DNAH6: variants seen among roughly 807,000 people sequenced by gnomAD.
DNAH6 encodes axonemal beta dynein heavy chain 6.
DNAH6 carries 340 observed loss-of-function variants against 491.4 expected under a neutral mutation model. That is an observed-to-expected ratio of 0.69 (90% CI 0.63 to 0.76). DNAH6 has a LOEUF of 0.76. DNAH6 is among the 30% of genes least tolerant of loss of function. DNAH6 has a pLI of 0.00. For missense variants in DNAH6, 4,443 were observed against 4,972.2 expected (o/e 0.89, Z 3.20); for synonymous variants, 1,603 against 1,686.1 (o/e 0.95, Z 1.21).
Position 84,735,314 on chromosome 2 carries a change from T to G in DNAH6, c.10342+1735T>G, listed in dbSNP as rs148942006. Among the ~76,000 whole-genome samples the G allele has an allele frequency of 2.5e-4, 38 of 152,350 alleles. 1 individual carries two copies. In the East Asian group the frequency reaches 6.4e-3, roughly 25 times the overall value. On this transcript the variant is annotated intron_variant, in intron 62 of 76. Coordinates refer to ENST00000389394, the MANE Select transcript of DNAH6 (RefSeq NM_001370.2). ...AGTTCACTGTTGATGGGCACCTAGG[T>G]TGATTCCATGTATTTGCTGTTGTGA...
chr2:84,553,103 C>T, intron 10 of DNAH6, 69 bp downstream of exon 10: 1 of 888,756 alleles, frequency 1.1e-6, no homozygotes, highest in Non-Finnish European at 1.8e-6. Flanking sequence ...GTTTTGCTGT[C>T]AATTGGTTGT....
chr2:84,503,067 C>G, the DNAH6 span, among the ~76,000 whole-genome samples: 2 of 151,894 alleles, frequency 1.3e-5, no homozygotes, highest in African/African-American at 4.8e-5. Flanking sequence ...GTGGTCTTCC[C>G]TTCCTTCTTT....
intron 52 of DNAH6, 26 bp downstream of exon 52, chr2:84,705,773 T>C (rs1696370090): frequency 1.3e-6 from 2 of 1,529,494 alleles, no homozygotes; most frequent in African/African-American, 1.4e-5. Flanking sequence ...TGTGATATTT[T>C]ATAGAATTGA....
intron 72 of DNAH6, among the ~76,000 whole-genome samples, 154 bp downstream of exon 72, chr2:84,808,696 T>G (rs1679677063): frequency 6.6e-6 from 1 of 152,230 alleles, no homozygotes; most frequent in Non-Finnish European, 1.5e-5. Context: ...GAATTTATCC[T>G]TCTCTAATGA....
chr2:84,771,771 T>A (rs967069317), intron 64 of DNAH6, among the ~76,000 whole-genome samples: 1 of 151,912 alleles, frequency 6.6e-6, no homozygotes, highest in Admixed American at 6.5e-5. Context: ...TATTCCCAGA[T>A]AAACAAAAAC....
At chr2:84,625,506 C>T (rs1687775874) in intron 29 of DNAH6, among the ~76,000 whole-genome samples, 1 of 151,858 alleles carries the variant, frequency 6.6e-6, no homozygotes, top group African/African-American at 2.4e-5. Flanking sequence ...GTCATGGGAC[C>T]CCTTTACACT....
chr2:84,700,885 G>T (rs924012470), intron 48 of DNAH6, among the ~76,000 whole-genome samples: 2 of 152,152 alleles, frequency 1.3e-5, no homozygotes, highest in African/African-American at 4.8e-5. Context: ...TGATACTGTG[G>T]AGACATACTG....
chr2:84,580,207 C>T (rs768001339), intron 14 of DNAH6, among the ~76,000 whole-genome samples: 4 of 152,042 alleles, frequency 2.6e-5, no homozygotes, highest in East Asian at 1.9e-4. Context: ...AACACAAACC[C>T]GCTTAAGTGG....
chr2:84,576,681 A>G (rs1332446738), intron 12 of DNAH6, among the ~76,000 whole-genome samples: 2 of 152,174 alleles, frequency 1.3e-5, no homozygotes, highest in African/African-American at 2.4e-5. Context: ...CATTGGTTCC[A>G]GATGGATTGG....
At chr2:84,465,346 T>A in the DNAH6 span, among the ~76,000 whole-genome samples, 4 of 152,016 alleles carry the variant, frequency 2.6e-5, no homozygotes, top group Admixed American at 6.5e-5. Context: ...ATACAAAAAA[T>A]TAGCCGGGTG....
chr2:84,605,361 A>G (rs893922179), intron 19 of DNAH6, 139 bp from the exon 20 acceptor site: 4 of 621,566 alleles, frequency 6.4e-6, no homozygotes, highest in Non-Finnish European at 1.1e-5. Flanking sequence ...TCAAAAAAAA[A>G]AAAAAAAAAG....
chr2:84,667,758 T>C (rs563829175), intron 37 of DNAH6, among the ~76,000 whole-genome samples: 2 of 152,336 alleles, frequency 1.3e-5, no homozygotes, highest in Non-Finnish European at 2.9e-5. Context: ...CCAAAGATTA[T>C]AAACTCTACT....
At chr2:84,581,053 G>A (rs568463859) in intron 14 of DNAH6, among the ~76,000 whole-genome samples, 11 of 152,292 alleles carry the variant, frequency 7.2e-5, no homozygotes, top group African/African-American at 2.6e-4. Context: ...TGCAAGTCTA[G>A]CCAGTCAGCA....
At chr2:84,506,572 C>T in the DNAH6 span, among the ~76,000 whole-genome samples, 1 of 152,090 alleles carries the variant, frequency 6.6e-6, no homozygotes, top group South Asian at 2.1e-4. Context: ...CTTTAGTTTA[C>T]TTAGATCTCA....
Position 84,685,445 on chromosome 2 carries a change from T to A in DNAH6, c.7036T>A (p.Phe2346Ile). The A allele has an allele frequency of 1.3e-6, 2 of 1,491,102 alleles. No individual in the cohort carries two copies. Among genetic ancestry groups the A allele is most frequent in the Non-Finnish European group, 1.8e-6 (2 of 1,113,486 alleles). 92.4% of individuals were successfully genotyped at this position (1,491,102 alleles called of 1,614,324 possible). A position where few individuals can be genotyped will look rare whatever the true frequency, so the allele number is the denominator to read the frequency against. Residue 2346 changes from phenylalanine (F) to isoleucine (I), a missense_variant, in exon 43 of 77, where the codon TTC (phenylalanine) becomes ATC (isoleucine). By Grantham distance (21) the Phe-to-Ile change is conservative. Transcript: ENST00000389394. ...GATTAATAATGAAGATAAGCACTAT[T>A]TCCATGTTATTCTGACAGAAATGGC... ...RLINNEDKHY[F>I]HVILTEMANK... is the part of the protein sequence containing the mutation.
intron 63 of DNAH6, among the ~76,000 whole-genome samples, chr2:84,753,038 C>T (rs1287606440): frequency 6.6e-6 from 1 of 152,154 alleles, no homozygotes; most frequent in African/African-American, 2.4e-5. Flanking sequence ...ATGAGGGTTC[C>T]AATTTCTCCA....
At chr2:84,573,646 T>C (rs1368722175) in intron 12 of DNAH6, 59 bp downstream of exon 12, 2 of 1,440,130 alleles carry the variant, frequency 1.4e-6, no homozygotes, top group Non-Finnish European at 1.8e-6. Context: ...ATTTGTTGTT[T>C]TTTAGGATTC....
intron 20 of DNAH6, 110 bp downstream of exon 20, chr2:84,605,702 A>G (rs1685692561): frequency 1.5e-6 from 1 of 648,328 alleles, no homozygotes; most frequent in African/African-American, 1.9e-5. Flanking sequence ...GTCACTTAAT[A>G]AGAAAAATCT....
chr2:84,763,675 G>A (rs964760380), intron 64 of DNAH6, among the ~76,000 whole-genome samples: 2 of 150,422 alleles, frequency 1.3e-5, no homozygotes, highest in South Asian at 4.2e-4. Flanking sequence ...TTCATGTTCT[G>A]TATTAGTCAG....
Sources: gnomAD v4.1 joint callset for allele counts (sites outside exome capture counted in the v4.1 genomes callset) on GRCh38, gnomAD v4.1.1 for gene constraint, MANE v1.5 for transcripts, NCBI Gene and HGNC (gene_info 2026-07-23, HGNC 2026-07-21) for gene names.